The following RPS6KC1 variants were observed in gnomAD, a reference collection of about 807,000 sequenced individuals.
RPS6KC1 encodes ribosomal protein S6 kinase C1.
In RPS6KC1, 54 loss-of-function variants were observed where a neutral mutation model predicts 103.8. The ratio of observed to expected loss-of-function variants is 0.52; its 90% CI spans 0.42 to 0.65. RPS6KC1 has a LOEUF of 0.65. RPS6KC1 is among the 30% of genes least tolerant of loss of function. RPS6KC1 has a pLI of 0.00. For synonymous variants in RPS6KC1, 439 were observed against 438.7 expected (o/e 1.00, Z -0.01); for missense variants, 1,151 against 1,253.8 (o/e 0.92, Z 1.24).
At chr1:213,168,017 G>T in intron 7 of RPS6KC1, 44 bp downstream of exon 7, 1 of 1,274,732 alleles carries the variant, frequency 7.8e-7, no homozygotes, top group South Asian at 1.3e-5. Context: ...GTGATTTTTT[G>T]CTGTCTGGTC....
chr1:213,762,606 G>A, the RPS6KC1 span, among the ~76,000 whole-genome samples: 1 of 152,298 alleles, frequency 6.6e-6, no homozygotes, highest in South Asian at 2.1e-4. Flanking sequence ...AATATGTGGT[G>A]CAGATGGTCA....
the RPS6KC1 span, among the ~76,000 whole-genome samples, chr1:213,566,728 A>G: frequency 6.6e-6 from 1 of 151,228 alleles, no homozygotes; most frequent in East Asian, 1.9e-4. Flanking sequence ...TGCTATAACT[A>G]TGACTATGTT....
At chr1:213,221,381 C>G (rs2093828143) in intron 8 of RPS6KC1, among the ~76,000 whole-genome samples, 1 of 152,144 alleles carries the variant, frequency 6.6e-6, no homozygotes, top group African/African-American at 2.4e-5. Context: ...CTGGGTTCGT[C>G]ATCCCCCTTA....
At chr1:213,711,707 C>T in the RPS6KC1 span, among the ~76,000 whole-genome samples, 1 of 152,050 alleles carries the variant, frequency 6.6e-6, no homozygotes, top group Non-Finnish European at 1.5e-5. Context: ...CATGGTCGTC[C>T]TTTTTGTTGG....
chr1:213,411,601 G>A, the RPS6KC1 span, among the ~76,000 whole-genome samples: 1 of 152,132 alleles, frequency 6.6e-6, no homozygotes, highest in East Asian at 1.9e-4. Flanking sequence ...GATAGACATT[G>A]GTCTTTTTTG....
In RPS6KC1 at chr1:213,240,945, G is replaced by T. The variant is rs140824568; in HGVS notation, c.1469G>T (p.Gly490Val). The change falls in exon 11 of 15, where the codon GGC becomes GTC. Residue 490 changes from glycine to valine, a missense_variant. By Grantham distance (109) the Gly-to-Val change is moderately radical. Around this residue, in one of 3 missense-constraint regions of RPS6KC1, gnomAD observed 959 missense variants for 1,006.3 expected, o/e 0.95. Coordinates refer to ENST00000366960, the MANE Select transcript of RPS6KC1 (RefSeq NM_012424.6). ...SQDDSNQEDD[G>V]QDSSPKWPDS... ...GATGACAGCAACCAGGAAGATGATG[G>T]CCAAGATAGCTCTCCAAAGTGGCCA... is the stretch of plus-strand genomic sequence containing the variant. The T allele has an allele frequency of 3.1e-5, 50 of 1,613,852 alleles. 1 individual carries two copies. In the African/African-American group the frequency reaches 6.0e-4, roughly 19 times the overall value.
At chr1:213,184,928 A>T (rs566888155) in intron 8 of RPS6KC1, among the ~76,000 whole-genome samples, 5 of 152,336 alleles carry the variant, frequency 3.3e-5, no homozygotes, top group Non-Finnish European at 1.5e-5. Context: ...TACAGAATGT[A>T]CCATGTGCTG....
the RPS6KC1 span, among the ~76,000 whole-genome samples, chr1:213,807,243 T>C: frequency 1.3e-5 from 2 of 152,226 alleles, no homozygotes; most frequent in African/African-American, 2.4e-5. Context: ...TTGGTGAATC[T>C]GACAATTATG....
the RPS6KC1 span, among the ~76,000 whole-genome samples, chr1:213,594,480 C>T: frequency 6.6e-6 from 1 of 152,042 alleles, no homozygotes; most frequent in Non-Finnish European, 1.5e-5. Context: ...ATGTATGTGG[C>T]TCCCATTTTA....
At chr1:213,108,712 A>G (rs1032092492) in intron 4 of RPS6KC1, among the ~76,000 whole-genome samples, 3 of 150,592 alleles carry the variant, frequency 2.0e-5, no homozygotes, top group East Asian at 1.9e-4. Flanking sequence ...CTGGGATGCA[A>G]TGGCACAATA....
At chr1:213,772,089 C>G in the RPS6KC1 span, among the ~76,000 whole-genome samples, 1 of 152,244 alleles carries the variant, frequency 6.6e-6, no homozygotes, top group South Asian at 2.1e-4. Context: ...TTATATGTTT[C>G]AATTACTATT....
intron 8 of RPS6KC1, among the ~76,000 whole-genome samples, chr1:213,183,996 A>T (rs905236530): frequency 2.0e-5 from 3 of 152,178 alleles, no homozygotes; most frequent in Admixed American, 1.3e-4. Context: ...TACACATGTA[A>T]ATTTGATAAT....
chr1:213,090,852 A>G (rs572149835), intron 3 of RPS6KC1, among the ~76,000 whole-genome samples: 2 of 152,252 alleles, frequency 1.3e-5, no homozygotes, highest in Non-Finnish European at 2.9e-5. Flanking sequence ...GGATGTTTTT[A>G]TGAAAAATGA....
chr1:213,619,883 A>G, the RPS6KC1 span, among the ~76,000 whole-genome samples: 3 of 152,368 alleles, frequency 2.0e-5, no homozygotes, highest in African/African-American at 7.2e-5. Flanking sequence ...AGAAGAGAGA[A>G]CTACATGAAT....
chr1:213,210,257 G>A (rs1372755078), intron 8 of RPS6KC1, among the ~76,000 whole-genome samples: 1 of 152,158 alleles, frequency 6.6e-6, no homozygotes, highest in African/African-American at 2.4e-5. Flanking sequence ...ATATTATACA[G>A]TAGTTTTTGA....
chr1:213,810,401 A>G, the RPS6KC1 span, among the ~76,000 whole-genome samples: 1 of 152,216 alleles, frequency 6.6e-6, no homozygotes, highest in African/African-American at 2.4e-5. Flanking sequence ...CATCAGTCTT[A>G]TTCATTGCTG....
chr1:213,333,514 C>G, the RPS6KC1 span, among the ~76,000 whole-genome samples: 2 of 152,122 alleles, frequency 1.3e-5, no homozygotes, highest in Admixed American at 6.5e-5. Flanking sequence ...AATTGTCTTG[C>G]GAGGTGCTCA....
the RPS6KC1 span, among the ~76,000 whole-genome samples, chr1:213,698,541 T>G: frequency 6.6e-6 from 1 of 152,306 alleles, no homozygotes; most frequent in Non-Finnish European, 1.5e-5. Context: ...GGTCATTTTG[T>G]TTTGCTCACT....
At chr1:213,387,481 A>T in the RPS6KC1 span, among the ~76,000 whole-genome samples, 1 of 152,096 alleles carries the variant, frequency 6.6e-6, no homozygotes, top group Non-Finnish European at 1.5e-5. Flanking sequence ...CATTCAACAC[A>T]CATTATTCAT....
Sources: allele counts gnomAD v4.1 joint callset (sites outside exome capture counted in the v4.1 genomes callset), GRCh38; gene constraint gnomAD v4.1.1; regional missense constraint gnomAD v4.1.1; transcripts MANE v1.5; gene names NCBI Gene and HGNC (gene_info 2026-07-23, HGNC 2026-07-21).